The following ZBTB38 variants were observed in gnomAD, a reference collection of about 807,000 sequenced individuals.
ZBTB38 encodes the protein zinc finger and BTB domain containing 38, also known as zinc finger and BTB domain-containing protein 38.
Under a neutral mutation model 76.8 loss-of-function variants are expected in ZBTB38, and 20 were observed. The ratio of observed to expected loss-of-function variants is 0.26; its 90% CI spans 0.18 to 0.38. The LOEUF is 0.38. Among genes scored for constraint, ZBTB38 ranks in the 10% least tolerant of loss-of-function variants. The probability of loss-of-function intolerance (pLI) is 1.00; values close to 1 mark genes in which losing one functional copy is unlikely to be tolerated. For missense variants in ZBTB38, 1,082 were observed against 1,482.3 expected (o/e 0.73, Z 4.43); for synonymous variants, 504 against 544.2 (o/e 0.93, Z 1.03).
intron 5 of ZBTB38, chr3:141,427,909 T>G (rs2076704784): frequency 6.6e-6 from 1 of 152,306 alleles, no homozygotes; most frequent in Non-Finnish European, 1.5e-5. Flanking sequence ...AAATCCTGGC[T>G]GTGCCAGTGT....
intron 4 of ZBTB38, among the ~76,000 whole-genome samples, chr3:141,403,676 C>T (rs1953196111): frequency 6.6e-6 from 1 of 152,236 alleles, no homozygotes; most frequent in Non-Finnish European, 1.5e-5. Flanking sequence ...CTAATTGTCA[C>T]ATACACCAGC....
At chr3:141,338,315 A>G (rs865801329) in intron 1 of ZBTB38, among the ~76,000 whole-genome samples, 1 of 152,254 alleles carries the variant, frequency 6.6e-6, no homozygotes, top group Non-Finnish European at 1.5e-5. Flanking sequence ...CCAAAGGAAT[A>G]TAAATCGTTC....
chr3:141,445,214 G>A lies in ZBTB38; in HGVS notation c.2826G>A (p.Glu942=), dbSNP rs762822303. 2.0e-5 allele frequency: 32 copies of A among 1,613,940 alleles called. No homozygotes were observed. Among genetic ancestry groups the A allele is most frequent in the Admixed American group, 1.2e-4 (7 of 59,996 alleles). Residue 942 remains glutamate (E), a synonymous_variant, in exon 6 of 6, where the codon GAG becomes GAA. Transcript: ENST00000321464. The surrounding 1 kb of genome is among the most constrained non-coding windows in gnomAD (Gnocchi z 6.5). ...TGAGGAAAGTCAACTGGAGGAAGGA[G>A]CACGGAAACAGGAGCCCGAGCCATA... is the stretch of plus-strand genomic sequence containing the variant. The part of the protein sequence containing the change: ...KKMRKVNWRK[E]HGNRSPSHKC...
chr3:141,436,102 CTGTTT>C (rs922642419), intron 5 of ZBTB38, among the ~76,000 whole-genome samples: 5 of 152,128 alleles, frequency 3.3e-5, no homozygotes, highest in African/African-American at 1.2e-4. Flanking sequence ...CCTAAGACTT[CTGTTT>C]TAAGTTACTC....
intron 1 of ZBTB38, among the ~76,000 whole-genome samples, chr3:141,324,880 T>G (rs1264455411): frequency 2.0e-5 from 3 of 152,160 alleles, no homozygotes; most frequent in Admixed American, 6.5e-5. Context: ...AAATGAAGAG[T>G]GTATTTATAA....
At position 141,449,085 on chromosome 3, in the gene ZBTB38, A is replaced by T. The variant is rs1409767840; in HGVS notation, c.*3109A>T. 6.6e-6 allele frequency: 1 copy of T among 152,164 alleles called. No homozygotes were observed. The highest frequency in any genetic ancestry group is 1.9e-4 in the East Asian group (1 of 5,204). 9.4% of individuals were successfully genotyped at this position (152,164 alleles called of 1,614,324 possible). ...ATTAACACACACGCACCAGAATTCG[A>T]CCTCATTATCCTCGTTTTATAGTGA... On this transcript the variant is annotated 3_prime_UTR_variant, in exon 6 of 6. Coordinates refer to ENST00000321464, the MANE Select transcript of ZBTB38 (RefSeq NM_001376113.1).
chr3:141,449,204 A>G lies in ZBTB38; in HGVS notation c.*3228A>G, dbSNP rs1433510159. 1 of 152,202 alleles carries G rather than the reference A, an allele frequency of 6.6e-6. No homozygotes were observed. The highest frequency in any genetic ancestry group is 2.4e-5 in the African/African-American group (1 of 41,440). The allele number at this position is 152,202 out of a possible 1,614,324, so 9.4% of individuals were successfully genotyped here. On this transcript the variant is annotated 3_prime_UTR_variant, in exon 6 of 6. Coordinates refer to ENST00000321464, the MANE Select transcript of ZBTB38 (RefSeq NM_001376113.1). ...TGTTTTTGTTCCTTCTCAACACTGT[A>G]GAGAAAAATCATTTATAGAAACTGA... is the stretch of plus-strand genomic sequence containing the variant.
At position 141,368,765 on chromosome 3, in the gene ZBTB38, G is replaced by C. The variant is rs1346765530; in HGVS notation, c.-349G>C. On this transcript the variant is annotated 5_prime_UTR_variant, in exon 1 of 6. Transcript: ENST00000321464. ...CGGTTGTGACTCCTGGGCCCAGGGA[G>C]TTGACAGCGTCTGGGTTTCAGAGGA... The C allele has an allele frequency of 6.6e-6, 1 of 152,076 alleles. No individual in the cohort carries two copies. Among genetic ancestry groups the C allele is most frequent in the Non-Finnish European group, 1.5e-5 (1 of 68,016 alleles). The allele number at this position is 152,076 out of a possible 1,614,324, so 9.4% of individuals were successfully genotyped here. A position where few individuals can be genotyped will look rare whatever the true frequency, so the allele number is the denominator to read the frequency against.
At chr3:141,441,244 T>C (rs1333189917) in intron 5 of ZBTB38, among the ~76,000 whole-genome samples, 1 of 152,000 alleles carries the variant, frequency 6.6e-6, no homozygotes, top group Non-Finnish European at 1.5e-5. Flanking sequence ...CACACCAGAC[T>C]CATGGAATAG....
chr3:141,330,761 A>C (rs1200171913), intron 1 of ZBTB38, among the ~76,000 whole-genome samples: 2 of 152,190 alleles, frequency 1.3e-5, no homozygotes, highest in African/African-American at 4.8e-5. Context: ...TAATCCATTC[A>C]TGGATTAATG....
At position 141,356,534 on chromosome 3, in the gene ZBTB38, T is replaced by G. The variant is rs116347589; in HGVS notation, c.-738-12087T>G. Among the ~76,000 whole-genome samples, 454 of 152,228 alleles carry G rather than the reference T, an allele frequency of 3.0e-3. 5 individuals carry two copies. The highest frequency in any genetic ancestry group is 0.011 in the African/African-American group (441 of 41,540). On this transcript the variant is annotated intron_variant, in intron 1 of 7. Transcript: ENST00000509842. ...CACAATTCTGTACTACATCTAACCT[T>G]ACATGAAAGCCTCACCAAGCATCAG...
intron 5 of ZBTB38, among the ~76,000 whole-genome samples, chr3:141,430,493 G>A (rs967275805): frequency 2.0e-5 from 3 of 152,186 alleles, no homozygotes; most frequent in East Asian, 3.8e-4. Flanking sequence ...GACATTTCTT[G>A]AACCCCCTGC....
chr3:141,444,187 C>G lies in ZBTB38; in HGVS notation c.1799C>G (p.Pro600Arg), dbSNP rs200713441. 33 of 1,614,164 alleles carry G rather than the reference C, an allele frequency of 2.0e-5. No homozygotes were observed. In the East Asian group the frequency reaches 6.7e-4, roughly 33 times the overall value. Residue 600 changes from proline (P) to arginine (R), a missense_variant, in exon 6 of 6, where the codon CCT (proline) becomes CGT (arginine). Pro to Arg is a moderately radical substitution (Grantham distance 103). Coordinates refer to ENST00000321464, the MANE Select transcript of ZBTB38 (RefSeq NM_001376113.1). This position sits in a 1 kb window ranked among gnomAD's most constrained non-coding sequence, Gnocchi z 5.1. ...AACAGTCAAATGAATGAGTCTGCAC[C>G]TGGTACCTATGTTGTTCAGAATCCA... The part of the protein sequence containing the change: ...RENSQMNESA[P>R]GTYVVQNPHS...
intron 1 of ZBTB38, among the ~76,000 whole-genome samples, chr3:141,341,938 T>A (rs75631552): frequency 0.034 from 5,198 of 151,944 alleles, 207 homozygotes; most frequent in African/African-American, 0.098. Context: ...TTCACTTTTT[T>A]AAAAAAAAGC....
At chr3:141,330,543 G>A (rs1267122499) in intron 1 of ZBTB38, among the ~76,000 whole-genome samples, 1 of 152,266 alleles carries the variant, frequency 6.6e-6, no homozygotes, top group African/African-American at 2.4e-5. Flanking sequence ...ATGAGAGGGT[G>A]TTCAGGCCCT....
intron 1 of ZBTB38, among the ~76,000 whole-genome samples, chr3:141,326,950 C>T (rs142674126): frequency 2.6e-5 from 4 of 152,238 alleles, no homozygotes; most frequent in East Asian, 3.9e-4. Flanking sequence ...AGGCCTGCTT[C>T]GAAGGGGACC....
chr3:141,353,106 A>G (rs1943568296), intron 1 of ZBTB38, among the ~76,000 whole-genome samples: 1 of 152,110 alleles, frequency 6.6e-6, no homozygotes, highest in Non-Finnish European at 1.5e-5. Context: ...CTTCCTCCAG[A>G]CAGACAAGAG....
At chr3:141,425,519 T>G (rs1448279054) in intron 5 of ZBTB38, among the ~76,000 whole-genome samples, 1 of 152,226 alleles carries the variant, frequency 6.6e-6, no homozygotes, top group Non-Finnish European at 1.5e-5. Flanking sequence ...TTGTACATAG[T>G]GAGAAATGGC....
chr3:141,397,774 G>A (rs757830329), intron 4 of ZBTB38, among the ~76,000 whole-genome samples: 9 of 152,112 alleles, frequency 5.9e-5, no homozygotes, highest in African/African-American at 2.2e-4. Flanking sequence ...AATAAAGTTC[G>A]CCATCTTATA....
Sources: gnomAD v4.1 joint callset for allele counts (sites outside exome capture counted in the v4.1 genomes callset) on GRCh38, gnomAD v4.1.1 for gene constraint, Gnocchi (gnomAD v3.1) non-coding constraint, MANE v1.5 for transcripts, NCBI Gene and HGNC (gene_info 2026-07-23, HGNC 2026-07-21) for gene names.